SOX5: variants seen among roughly 807,000 people sequenced by gnomAD.
The protein encoded by SOX5 is transcription factor SOX-5.
Under a neutral mutation model 92.0 loss-of-function variants are expected in SOX5, and 9 were observed. The ratio of observed to expected loss-of-function variants is 0.10; its 90% CI spans 0.06 to 0.17. The LOEUF (loss-of-function observed/expected upper bound fraction) is 0.17. Ranked by LOEUF, SOX5 falls within the 10% of genes least tolerant of loss-of-function variation. The probability of loss-of-function intolerance (pLI) is 1.00; values close to 1 mark genes in which losing one functional copy is unlikely to be tolerated. For missense variants in SOX5, 642 were observed against 944.5 expected (o/e 0.68, Z 4.20); for synonymous variants, 344 against 336.3 (o/e 1.02, Z -0.25).
intron 3 of SOX5, among the ~76,000 whole-genome samples, chr12:24,249,546 GC>G (rs1398885669): frequency 6.6e-6 from 1 of 152,072 alleles, no homozygotes; most frequent in Non-Finnish European, 1.5e-5. Flanking sequence ...ATTACATATG[GC>G]CTATTGACAG....
At chr12:23,576,999 A>C (rs578006557) in intron 9 of SOX5, among the ~76,000 whole-genome samples, 2 of 151,290 alleles carry the variant, frequency 1.3e-5, no homozygotes, top group East Asian at 1.9e-4. Flanking sequence ...TTTTAATCAA[A>C]TGGGGTAGTC....
chr12:24,196,038 C>T (rs1594149993), intron 4 of SOX5, among the ~76,000 whole-genome samples: 1 of 152,182 alleles, frequency 6.6e-6, no homozygotes, highest in African/African-American at 2.4e-5. Flanking sequence ...ACGTGCGCCA[C>T]CACGCCTAGC....
intron 4 of SOX5, among the ~76,000 whole-genome samples, chr12:24,203,314 C>G (rs1432923776): frequency 6.6e-6 from 1 of 152,100 alleles, no homozygotes; most frequent in Non-Finnish European, 1.5e-5. Flanking sequence ...ATGTTCCAGA[C>G]TTTTATGACA....
At chr12:24,163,891 G>T (rs1341755721) in intron 4 of SOX5, among the ~76,000 whole-genome samples, 2 of 151,774 alleles carry the variant, frequency 1.3e-5, no homozygotes, top group East Asian at 3.9e-4. Context: ...GCAGCAGAAT[G>T]CCCTGGTTCT....
At chr12:24,288,441 TAGAC>T (rs1387695614) in intron 2 of SOX5, among the ~76,000 whole-genome samples, 1 of 152,204 alleles carries the variant, frequency 6.6e-6, no homozygotes, top group Non-Finnish European at 1.5e-5. Flanking sequence ...TATCAGCTCT[TAGAC>T]AGTCACTAAT....
intron 4 of SOX5, among the ~76,000 whole-genome samples, chr12:24,171,459 G>A (rs372689683): frequency 1.3e-5 from 2 of 151,898 alleles, no homozygotes; most frequent in Admixed American, 6.6e-5. Flanking sequence ...TCCTGACTTC[G>A]TGATCCACCC....
At chr12:23,906,300 T>G (rs941355323) in intron 1 of SOX5, among the ~76,000 whole-genome samples, 1 of 152,222 alleles carries the variant, frequency 6.6e-6, no homozygotes, top group Non-Finnish European at 1.5e-5. Flanking sequence ...TCTAGAACTT[T>G]TTATTTATAG....
intron 6 of SOX5, among the ~76,000 whole-genome samples, chr12:23,711,574 T>C (rs2092057208): frequency 7.1e-6 from 1 of 140,254 alleles, no homozygotes; most frequent in South Asian, 2.2e-4. Context: ...ATTATTTTTT[T>C]CTGTTTCAAT....
intron 2 of SOX5, among the ~76,000 whole-genome samples, chr12:23,862,955 G>C (rs925133651): frequency 5.9e-5 from 9 of 152,148 alleles, no homozygotes; most frequent in African/African-American, 2.2e-4. Flanking sequence ...AGGAAACAGG[G>C]ATGTCAATAG....
chr12:24,271,295 A>G (rs1040623464), intron 3 of SOX5, among the ~76,000 whole-genome samples: 2 of 152,170 alleles, frequency 1.3e-5, no homozygotes, highest in African/African-American at 4.8e-5. Context: ...CATGTCTTGG[A>G]CATTATTTCA....
At chr12:24,316,867 G>A (rs1187149818) in intron 2 of SOX5, among the ~76,000 whole-genome samples, 1 of 152,120 alleles carries the variant, frequency 6.6e-6, no homozygotes, top group Admixed American at 6.5e-5. Flanking sequence ...GCAAGAAGCT[G>A]GTGGTAGCAC....
chr12:24,383,240 A>G (rs1314415131), intron 1 of SOX5, among the ~76,000 whole-genome samples: 1 of 152,220 alleles, frequency 6.6e-6, no homozygotes, highest in East Asian at 1.9e-4. Context: ...TATTTAAAAG[A>G]TACAGCAGAA....
chr12:24,023,507 T>C (rs1214559045), intron 4 of SOX5, among the ~76,000 whole-genome samples: 2 of 152,158 alleles, frequency 1.3e-5, no homozygotes, highest in Non-Finnish European at 2.9e-5. Flanking sequence ...AATACAGAAC[T>C]TGTTGACTCT....
At chr12:24,559,451 CCTGT>C (rs1201893450) in intron 1 of SOX5, among the ~76,000 whole-genome samples, 1 of 152,092 alleles carries the variant, frequency 6.6e-6, no homozygotes, top group Admixed American at 6.6e-5. Flanking sequence ...TAAATTTTGT[CCTGT>C]AAGTTTTACT....
rs184015600 is a variant in SOX5 at position 24,443,076 on chromosome 12, C to G, written c.-250-74437G>C. ...AAGCAATTCTCCTGCCTCAGCCTCC[C>G]GAGTAGCTGGGACTAAGGGCGCACA... On this transcript the variant is annotated intron_variant, in intron 1 of 4. Transcript: ENST00000446891. Among the ~76,000 whole-genome samples the G allele has an allele frequency of 1.1e-3, 171 of 151,636 alleles. 1 individual carries two copies. Among genetic ancestry groups the G allele is most frequent in the African/African-American group, 4.0e-3 (167 of 41,322 alleles).
At chr12:24,252,049 T>A (rs1940183247) in intron 3 of SOX5, among the ~76,000 whole-genome samples, 1 of 152,186 alleles carries the variant, frequency 6.6e-6, no homozygotes, top group South Asian at 2.1e-4. Context: ...CTTAATCATT[T>A]TTGCTTTTGC....
chr12:24,316,597 C>T (rs955969335), intron 2 of SOX5, among the ~76,000 whole-genome samples: 1 of 152,154 alleles, frequency 6.6e-6, no homozygotes, highest in Admixed American at 6.5e-5. Context: ...CGCAGAACTA[C>T]AAACTAGTGT....
intron 3 of SOX5, chr12:23,762,348 T>C (rs1191938557): frequency 2.9e-6 from 1 of 340,004 alleles, no homozygotes; most frequent in African/African-American, 2.1e-5. Context: ...TAGCGTACTT[T>C]GTTTGCACCT....
chr12:24,122,591 T>A (rs376468351), intron 4 of SOX5, among the ~76,000 whole-genome samples: 12 of 152,318 alleles, frequency 7.9e-5, no homozygotes, highest in African/African-American at 2.9e-4. Flanking sequence ...ATCAGAATGT[T>A]TAATCTATAT....
Sources: allele counts gnomAD v4.1 joint callset (sites outside exome capture counted in the v4.1 genomes callset), GRCh38; gene constraint gnomAD v4.1.1; transcripts MANE v1.5; gene names NCBI Gene and HGNC (gene_info 2026-07-23, HGNC 2026-07-21).